NALF1: variants seen among roughly 807,000 people sequenced by gnomAD.
NALF1 encodes the protein family with sequence similarity 155 member A.
NALF1 carries 3 observed loss-of-function variants against 48.4 expected under a neutral mutation model. The ratio of observed to expected loss-of-function variants is 0.06; its 90% confidence interval spans 0.03 to 0.16. The LOEUF is 0.16. Among genes scored for constraint, NALF1 ranks in the 10% least tolerant of loss-of-function variants. The pLI, the probability that NALF1 is intolerant of heterozygous loss-of-function variation, is 1.00. For synonymous variants in NALF1, 262 were observed against 245.7 expected (o/e 1.07, Z -0.62); for missense variants, 526 against 571.5 (o/e 0.92, Z 0.81).
intron 1 of NALF1, among the ~76,000 whole-genome samples, chr13:107,448,880 C>T (rs985286876): frequency 6.6e-6 from 1 of 152,176 alleles, no homozygotes; most frequent in Non-Finnish European, 1.5e-5. Flanking sequence ...GCTGACGGGA[C>T]TTTTGCTAGC....
intron 1 of NALF1, among the ~76,000 whole-genome samples, chr13:107,406,461 G>A (rs1310377377): frequency 6.6e-6 from 1 of 151,758 alleles, no homozygotes; most frequent in Non-Finnish European, 1.5e-5. Flanking sequence ...CCAAAGAAGT[G>A]AAAGAACCCT....
At chr13:107,354,371 A>G (rs1449848790) in intron 1 of NALF1, among the ~76,000 whole-genome samples, 2 of 152,062 alleles carry the variant, frequency 1.3e-5, no homozygotes, top group Non-Finnish European at 2.9e-5. Flanking sequence ...GTGGAGAGAG[A>G]GGAGAAAAAA....
At chr13:107,221,108 C>G (rs183552297) in intron 1 of NALF1, among the ~76,000 whole-genome samples, 1 of 152,122 alleles carries the variant, frequency 6.6e-6, no homozygotes, top group African/African-American at 2.4e-5. Flanking sequence ...GGTGATACAA[C>G]AGACAGTGGA....
chr13:107,695,887 T>TC (rs1451637164), intron 1 of NALF1, among the ~76,000 whole-genome samples: 1 of 126,384 alleles, frequency 7.9e-6, no homozygotes, highest in African/African-American at 3.0e-5. Flanking sequence ...TTATGTTTGC[T>TC]CATCTATATT....
At position 107,657,461 on chromosome 13, in the gene NALF1, T is replaced by C. The variant is rs7335053; in HGVS notation, c.915+208221A>G. Among the ~76,000 whole-genome samples, 1,112 of 152,282 alleles carry C rather than the reference T, an allele frequency of 7.3e-3. 18 individuals are homozygous for C. Among genetic ancestry groups the C allele is most frequent in the African/African-American group, 0.026 (1,073 of 41,550 alleles). The stretch of plus-strand genomic sequence containing the variant: ...GCACGGGTGTGTGTCTTTCTGTGTG[T>C]GTGGATGCATTCATACATGTGTGGA... On this transcript the variant is annotated intron_variant, in intron 1 of 2. Transcript: ENST00000375915.
intron 1 of NALF1, among the ~76,000 whole-genome samples, chr13:107,840,775 C>T (rs1330302261): frequency 6.6e-6 from 1 of 152,122 alleles, no homozygotes; most frequent in East Asian, 1.9e-4. Context: ...ACCCATCAGA[C>T]ACAGTAAGCT....
intron 1 of NALF1, among the ~76,000 whole-genome samples, chr13:107,865,401 T>C (rs1007400638): frequency 6.6e-6 from 1 of 152,120 alleles, no homozygotes; most frequent in African/African-American, 2.4e-5. Context: ...TTGAGCCAAC[T>C]GCATGAATGT....
intron 1 of NALF1, among the ~76,000 whole-genome samples, chr13:107,571,563 G>A (rs958683263): frequency 2.0e-5 from 3 of 152,116 alleles, no homozygotes; most frequent in African/African-American, 7.2e-5. Flanking sequence ...TTCCTAAGTT[G>A]TGCCTTTTGT....
At chr13:107,183,496 T>C (rs2138777153) in intron 2 of NALF1, among the ~76,000 whole-genome samples, 2 of 151,924 alleles carry the variant, frequency 1.3e-5, no homozygotes. Flanking sequence ...TTACTGGGTA[T>C]ATACCCAAAG....
At chr13:107,189,514 G>A (rs965404377) in intron 2 of NALF1, among the ~76,000 whole-genome samples, 1 of 152,102 alleles carries the variant, frequency 6.6e-6, no homozygotes, top group African/African-American at 2.4e-5. Flanking sequence ...ATGGATTCCC[G>A]GAGAAGAGGT....
intron 1 of NALF1, among the ~76,000 whole-genome samples, chr13:107,669,976 C>T (rs1434120798): frequency 1.3e-5 from 2 of 152,106 alleles, no homozygotes; most frequent in Admixed American, 6.6e-5. Context: ...TTTGGCTTCA[C>T]TCTATAATTT....
At chr13:107,299,524 C>A (rs80216355) in intron 1 of NALF1, among the ~76,000 whole-genome samples, 3,200 of 149,932 alleles carry the variant, frequency 0.021, 43 homozygotes, top group Middle Eastern at 0.049. Context: ...ACACTAACAT[C>A]CTATTTTTCC....
At chr13:107,737,779 T>C (rs758065407) in intron 1 of NALF1, among the ~76,000 whole-genome samples, 36 of 152,302 alleles carry the variant, frequency 2.4e-4, no homozygotes, top group African/African-American at 8.2e-4. Flanking sequence ...AAATGACCCA[T>C]TGTATTGCAG....
At chr13:107,782,039 C>T (rs1877904801) in intron 1 of NALF1, among the ~76,000 whole-genome samples, 1 of 152,072 alleles carries the variant, frequency 6.6e-6, no homozygotes, top group Non-Finnish European at 1.5e-5. Flanking sequence ...CTCTCCCTCT[C>T]CCTCCTCTCC....
At chr13:107,706,165 C>T (rs371289193) in intron 1 of NALF1, among the ~76,000 whole-genome samples, 1 of 152,082 alleles carries the variant, frequency 6.6e-6, no homozygotes, top group African/African-American at 2.4e-5. Flanking sequence ...TGGGTGGCTG[C>T]AGTATTCTGA....
chr13:107,846,507 A>G (rs986985097), intron 1 of NALF1, among the ~76,000 whole-genome samples: 7 of 152,166 alleles, frequency 4.6e-5, no homozygotes, highest in Non-Finnish European at 1.0e-4. Context: ...CACTCTCCCT[A>G]GCAAAACCAT....
chr13:107,520,462 G>T (rs16970521), intron 1 of NALF1, among the ~76,000 whole-genome samples: 6,639 of 152,248 alleles, frequency 0.044, 234 homozygotes, highest in East Asian at 0.1. Context: ...CTGAAGAAAT[G>T]AGCTCAGAGA....
intron 1 of NALF1, among the ~76,000 whole-genome samples, chr13:107,692,973 C>CT (rs1248732784): frequency 2.6e-5 from 4 of 152,124 alleles, no homozygotes; most frequent in African/African-American, 9.7e-5. Context: ...GTGCATGTGT[C>CT]TTTATAGTAG....
rs540673173 is a variant in NALF1, at chr13:107,641,138, G to A, written c.915+224544C>T. Among the ~76,000 whole-genome samples the A allele has an allele frequency of 3.3e-5, 5 of 152,262 alleles. No homozygotes were observed. The East Asian group carries it at 7.7e-4, about 24-fold the overall frequency. On this transcript the variant is annotated intron_variant, in intron 1 of 2. Coordinates refer to ENST00000375915, the MANE Select transcript of NALF1 (RefSeq NM_001080396.3). Reference sequence around the variant, plus strand: ...ATGCAACTGGAGGTGATTATGTTAAGTGAACTATTTTAAGAACACAAAGAT... The same window carrying A: ...ATGCAACTGGAGGTGATTATGTTAAATGAACTATTTTAAGAACACAAAGAT...
Sources: allele counts gnomAD v4.1 joint callset (sites outside exome capture counted in the v4.1 genomes callset), GRCh38; gene constraint gnomAD v4.1.1; transcripts MANE v1.5; gene names NCBI Gene and HGNC (gene_info 2026-07-23, HGNC 2026-07-21).